NEDD9: variants seen among roughly 807,000 people sequenced by gnomAD.
NEDD9 encodes enhancer of filamentation 1.
Under a neutral mutation model 76.6 loss-of-function variants are expected in NEDD9, and 26 were observed. The ratio of observed to expected loss-of-function variants is 0.34; its 90% confidence interval spans 0.25 to 0.47. The LOEUF is 0.47. Among genes scored for constraint, NEDD9 ranks in the 20% least tolerant of loss-of-function variants. NEDD9 has a pLI of 1.00. For missense variants in NEDD9, 937 were observed against 1,058.5 expected (o/e 0.89, Z 1.59); for synonymous variants, 392 against 414.2 (o/e 0.95, Z 0.65).
At chr6:11,283,625 G>T (rs2113361994) in intron 3 of NEDD9, among the ~76,000 whole-genome samples, 1 of 152,314 alleles carries the variant, frequency 6.6e-6, no homozygotes, top group African/African-American at 2.4e-5. Flanking sequence ...TCTTGCAAGA[G>T]AGGAAAGATT....
chr6:11,263,255 G>A (rs1760146043), intron 3 of NEDD9, among the ~76,000 whole-genome samples: 1 of 152,214 alleles, frequency 6.6e-6, no homozygotes, highest in African/African-American at 2.4e-5. Flanking sequence ...CTGATTAAAT[G>A]TGAAACAACT....
intron 2 of NEDD9, chr6:11,200,624 T>C (rs1414988099): frequency 2.7e-6 from 3 of 1,118,920 alleles, no homozygotes; most frequent in Non-Finnish European, 3.3e-6. Context: ...GATTTAATCA[T>C]TCCTAAATTT....
chr6:11,203,706 G>T (rs1357156568), intron 2 of NEDD9, among the ~76,000 whole-genome samples: 1 of 152,200 alleles, frequency 6.6e-6, no homozygotes, highest in Non-Finnish European at 1.5e-5. Flanking sequence ...AGGGATGAGA[G>T]TGCTCCTTAA....
intron 3 of NEDD9, among the ~76,000 whole-genome samples, chr6:11,278,525 A>AGCTAAGAAT (rs1760465460): frequency 6.6e-6 from 1 of 152,252 alleles, no homozygotes; most frequent in Non-Finnish European, 1.5e-5. Context: ...GCTGAGGTAC[A>AGCTAAGAAT]GCTAAGAATG....
intron 1 of NEDD9, 104 bp downstream of exon 1, chr6:11,232,400 C>T (rs1278830011): frequency 7.0e-6 from 10 of 1,425,338 alleles, no homozygotes; most frequent in Admixed American, 6.8e-5. Context: ...TAGAACTCTC[C>T]GGGACACACA....
intron 2 of NEDD9, among the ~76,000 whole-genome samples, chr6:11,211,561 C>T (rs1005956573): frequency 6.6e-6 from 1 of 152,160 alleles, no homozygotes; most frequent in Non-Finnish European, 1.5e-5. Flanking sequence ...TATAGTTACA[C>T]CTTTCAACTG....
chr6:11,189,396 C>T (rs1261976062), intron 5 of NEDD9, among the ~76,000 whole-genome samples: 1 of 152,166 alleles, frequency 6.6e-6, no homozygotes, highest in African/African-American at 2.4e-5. Flanking sequence ...CTAGCTAATG[C>T]CCAGTGGTCC....
intron 1 of NEDD9, among the ~76,000 whole-genome samples, chr6:11,345,433 G>A (rs937957265): frequency 3.9e-5 from 6 of 152,032 alleles, no homozygotes; most frequent in Non-Finnish European, 1.5e-5. Context: ...AGAAGAGATG[G>A]AGCATCGAGC....
intron 1 of NEDD9, among the ~76,000 whole-genome samples, chr6:11,335,992 T>C (rs1762151249): frequency 1.3e-5 from 2 of 151,562 alleles, no homozygotes; most frequent in Admixed American, 1.3e-4. Flanking sequence ...CCAACTCCTG[T>C]CTCCATTCCT....
At chr6:11,187,609 T>C (rs555862035) in intron 6 of NEDD9, among the ~76,000 whole-genome samples, 1 of 152,158 alleles carries the variant, frequency 6.6e-6, no homozygotes, top group Non-Finnish European at 1.5e-5. Flanking sequence ...AGACTCTTTC[T>C]TGGGAATCTG....
intron 2 of NEDD9, among the ~76,000 whole-genome samples, chr6:11,317,085 G>A (rs549709211): frequency 3.9e-5 from 6 of 152,274 alleles, no homozygotes; most frequent in Admixed American, 3.9e-4. Context: ...CATGAGCCTA[G>A]AGCTGGCAGT....
chr6:11,236,652 T>C (rs538026083), upstream of NEDD9, among the ~76,000 whole-genome samples: 2 of 152,298 alleles, frequency 1.3e-5, no homozygotes, highest in South Asian at 2.1e-4. This position sits in a 1 kb window ranked among gnomAD's most constrained non-coding sequence, Gnocchi z 5.5. Context: ...ATAACAGCAA[T>C]TGGTGGTGAG....
intron 2 of NEDD9, among the ~76,000 whole-genome samples, chr6:11,325,875 A>T (rs1297215100): frequency 6.6e-6 from 1 of 152,142 alleles, no homozygotes; most frequent in Non-Finnish European, 1.5e-5. Context: ...CTGGGTGCAG[A>T]GGCTCAACGC....
At chr6:11,330,244 G>A (rs143146158) in intron 2 of NEDD9, among the ~76,000 whole-genome samples, 1 of 152,198 alleles carries the variant, frequency 6.6e-6, no homozygotes, top group African/African-American at 2.4e-5. Context: ...TTATGACTGA[G>A]AATCCAAAGT....
At chr6:11,205,761 G>A (rs765099105) in intron 2 of NEDD9, among the ~76,000 whole-genome samples, 5 of 152,030 alleles carry the variant, frequency 3.3e-5, no homozygotes, top group African/African-American at 4.8e-5. Flanking sequence ...GAAGTAACTC[G>A]GATTAACAGG....
At position 11,213,983 on chromosome 6, in the gene NEDD9, T is replaced by G. The variant is rs9295823; in HGVS notation, c.13-256A>C. ...AGAAGAGTTCTTTCCTCTAGCAGGA[T>G]ATGCCGTGCCAAGGAATTATGAGTA... On this transcript the variant is annotated intron_variant, in intron 1 of 6. Transcript: ENST00000379446. This position sits in a 1 kb window ranked among gnomAD's most constrained non-coding sequence, Gnocchi z 5.4. Among the ~76,000 whole-genome samples the G allele has an allele frequency of 0.86, 131,134 of 152,228 alleles. 56,494 individuals carry two copies. Among genetic ancestry groups the G allele is most frequent in the South Asian group, 0.88 (4,258 of 4,822 alleles).
chr6:11,223,067 T>C (rs1332605652), intron 1 of NEDD9, among the ~76,000 whole-genome samples: 1 of 152,064 alleles, frequency 6.6e-6, no homozygotes, highest in African/African-American at 2.4e-5. Flanking sequence ...ATCTAGTGGG[T>C]AGAGTGGCCA....
intron 3 of NEDD9, among the ~76,000 whole-genome samples, chr6:11,282,238 T>G (rs1194955275): frequency 1.3e-5 from 2 of 152,258 alleles, no homozygotes. Context: ...CAGCGACTTT[T>G]GCTCACTCCC....
chr6:11,331,954 C>T (rs886416700), intron 2 of NEDD9, among the ~76,000 whole-genome samples: 1 of 152,304 alleles, frequency 6.6e-6, no homozygotes, highest in African/African-American at 2.4e-5. Flanking sequence ...TGTTTTTAAA[C>T]TGATCCGCTC....
Sources: gnomAD v4.1 joint callset for allele counts (sites outside exome capture counted in the v4.1 genomes callset) on GRCh38, gnomAD v4.1.1 for gene constraint, Gnocchi (gnomAD v3.1) non-coding constraint, MANE v1.5 for transcripts, NCBI Gene and HGNC (gene_info 2026-07-23, HGNC 2026-07-21) for gene names.